Variants in STARD13 observed in about 807,000 individuals in gnomAD.
The protein encoded by STARD13 is stAR-related lipid transfer protein 13.
In STARD13, 62 loss-of-function variants were observed where a neutral mutation model predicts 106.4. The observed-to-expected ratio is 0.58, with a 90% confidence interval of 0.48 to 0.72. The LOEUF (loss-of-function observed/expected upper bound fraction) is 0.72, where lower values mean the gene tolerates loss of function less well. STARD13 is among the 30% of genes least tolerant of loss of function. The pLI, the probability that STARD13 is intolerant of heterozygous loss-of-function variation, is 0.00. For synonymous variants in STARD13, 565 were observed against 553.0 expected (o/e 1.02, Z -0.31); for missense variants, 1,387 against 1,424.0 (o/e 0.97, Z 0.42).
chr13:33,315,025 T>C (rs550414598), intron 1 of STARD13, among the ~76,000 whole-genome samples: 2 of 152,320 alleles, frequency 1.3e-5, no homozygotes, highest in East Asian at 1.9e-4. Context: ...GAAGTTATAA[T>C]GTACATAAGA....
the STARD13 span, among the ~76,000 whole-genome samples, chr13:33,508,313 G>A: frequency 6.6e-6 from 1 of 152,146 alleles, no homozygotes; most frequent in African/African-American, 2.4e-5. Context: ...TGGTTGTGTT[G>A]CTAACCCTGC....
At chr13:33,475,051 A>C in the STARD13 span, among the ~76,000 whole-genome samples, 1 of 152,220 alleles carries the variant, frequency 6.6e-6, no homozygotes, top group African/African-American at 2.4e-5. Context: ...GCTTATAGGT[A>C]AACTTTGTGT....
At chr13:33,520,924 A>G in the STARD13 span, among the ~76,000 whole-genome samples, 1 of 152,098 alleles carries the variant, frequency 6.6e-6, no homozygotes, top group South Asian at 2.1e-4. Context: ...CTCAACTCTT[A>G]CAAAGCCTCC....
the STARD13 span, among the ~76,000 whole-genome samples, chr13:33,475,696 G>C: frequency 6.6e-6 from 1 of 152,096 alleles, no homozygotes; most frequent in Non-Finnish European, 1.5e-5. Flanking sequence ...TGGTGGTCAC[G>C]CCTGTAATCC....
the STARD13 span, among the ~76,000 whole-genome samples, chr13:33,447,308 G>T: frequency 6.6e-6 from 1 of 152,202 alleles, no homozygotes; most frequent in African/African-American, 2.4e-5. Context: ...CCACGAGCTT[G>T]TGTGCAAGCC....
At chr13:33,332,644 A>C (rs1186848952) in intron 1 of STARD13, among the ~76,000 whole-genome samples, 1 of 152,196 alleles carries the variant, frequency 6.6e-6, no homozygotes. Flanking sequence ...CCACCAGTCT[A>C]TGATATTCTG....
chr13:33,310,320 A>G (rs1893082844), intron 1 of STARD13, among the ~76,000 whole-genome samples: 1 of 152,228 alleles, frequency 6.6e-6, no homozygotes, highest in South Asian at 2.1e-4. Context: ...AACATATTTT[A>G]CAAAATATTT....
At chr13:33,497,390 C>A in the STARD13 span, among the ~76,000 whole-genome samples, 334 of 152,240 alleles carry the variant, frequency 2.2e-3, no homozygotes, top group African/African-American at 7.8e-3. Context: ...CCTCTATCAG[C>A]AAACAGAGTT....
At chr13:33,198,719 T>G (rs1342997640) in intron 1 of STARD13, among the ~76,000 whole-genome samples, 1 of 152,162 alleles carries the variant, frequency 6.6e-6, no homozygotes, top group Non-Finnish European at 1.5e-5. Flanking sequence ...TGTGCCTCTA[T>G]AGTCTAAAAT....
At chr13:33,472,300 T>A in the STARD13 span, among the ~76,000 whole-genome samples, 2 of 152,156 alleles carry the variant, frequency 1.3e-5, no homozygotes, top group Non-Finnish European at 2.9e-5. Flanking sequence ...ATTCTTTTAA[T>A]TTTTTAATTT....
At chr13:33,182,321 T>C (rs1555243725) in intron 1 of STARD13, among the ~76,000 whole-genome samples, 1 of 152,232 alleles carries the variant, frequency 6.6e-6, no homozygotes, top group Non-Finnish European at 1.5e-5. Flanking sequence ...AATGTAAAAA[T>C]GGAACACAGT....
chr13:33,477,781 G>A, the STARD13 span, among the ~76,000 whole-genome samples: 4 of 151,262 alleles, frequency 2.6e-5, no homozygotes, highest in Admixed American at 6.6e-5. Flanking sequence ...ACTGAAACCA[G>A]CCCAATTATC....
intron 1 of STARD13, among the ~76,000 whole-genome samples, chr13:33,326,328 A>G (rs1276312888): frequency 6.6e-6 from 1 of 152,238 alleles, no homozygotes; most frequent in East Asian, 1.9e-4. Context: ...GTTAAACACC[A>G]CTTTTGTGCA....
the STARD13 span, among the ~76,000 whole-genome samples, chr13:33,572,177 T>C: frequency 6.6e-6 from 1 of 152,208 alleles, no homozygotes. Context: ...TTCTTACTTA[T>C]AATGCGTTAA....
At chr13:33,577,434 G>A in the STARD13 span, among the ~76,000 whole-genome samples, 1 of 152,120 alleles carries the variant, frequency 6.6e-6, no homozygotes, top group East Asian at 1.9e-4. Flanking sequence ...GCCTTTTCCT[G>A]TATGTAAATT....
At chr13:33,373,442 A>G in the STARD13 span, among the ~76,000 whole-genome samples, 1 of 152,162 alleles carries the variant, frequency 6.6e-6, no homozygotes, top group African/African-American at 2.4e-5. Flanking sequence ...ATTAGATACC[A>G]TTTGAAAGCA....
intron 4 of STARD13, among the ~76,000 whole-genome samples, chr13:33,140,053 G>A (rs990707935): frequency 6.6e-6 from 1 of 152,168 alleles, no homozygotes. Flanking sequence ...CACTAGATGC[G>A]ATATAAAGAC....
the STARD13 span, among the ~76,000 whole-genome samples, chr13:33,501,348 G>C: frequency 1.3e-5 from 2 of 152,214 alleles, no homozygotes; most frequent in East Asian, 3.9e-4. Context: ...TATTCACTCT[G>C]ATGGTAGTTT....
chr13:33,590,631 T>C, the STARD13 span, among the ~76,000 whole-genome samples: 2 of 140,612 alleles, frequency 1.4e-5, no homozygotes, highest in African/African-American at 2.7e-5. Context: ...TTCTCACCCA[T>C]AGGTGAGAAT....
Sources: allele counts gnomAD v4.1 joint callset (sites outside exome capture counted in the v4.1 genomes callset), GRCh38; gene constraint gnomAD v4.1.1; transcripts MANE v1.5; gene names NCBI Gene and HGNC (gene_info 2026-07-23, HGNC 2026-07-21).